IMPDH1: variants seen among roughly 807,000 people sequenced by gnomAD.
IMPDH1 encodes the protein inosine-5'-monophosphate dehydrogenase 1.
In IMPDH1, 41 loss-of-function variants were observed where a neutral mutation model predicts 73.5. The ratio of observed to expected loss-of-function variants is 0.56; its 90% CI spans 0.43 to 0.72. The LOEUF is 0.72. Ranked by LOEUF, IMPDH1 falls within the 30% of genes least tolerant of loss-of-function variation. The pLI, the probability that IMPDH1 is intolerant of heterozygous loss-of-function variation, is 0.00. For missense variants in IMPDH1, 645 were observed against 824.8 expected (o/e 0.78, Z 2.67); for synonymous variants, 318 against 334.3 (o/e 0.95, Z 0.53).
intron 1 of IMPDH1, 41 bp downstream of exon 1, chr7:128,409,715 C>A: frequency 6.6e-7 from 1 of 1,524,706 alleles, no homozygotes; most frequent in African/African-American, 1.4e-5. Context: ...CCTCGGCCGC[C>A]CGCCCCGGAT....
At position 128,394,809 on chromosome 7, in the gene IMPDH1, A is replaced by G. The variant is rs1797795359; in HGVS notation, c.1550+80T>C. The G allele has an allele frequency of 1.3e-6, 2 of 1,560,482 alleles. No homozygotes were observed. Among genetic ancestry groups the G allele is most frequent in the Non-Finnish European group, 1.8e-6 (2 of 1,138,402 alleles). On this transcript the variant is annotated intron_variant, in intron 14 of 16. Coordinates refer to ENST00000338791, the MANE Select transcript of IMPDH1 (RefSeq NM_000883.4). The surrounding 1 kb of genome is among the most constrained non-coding windows in gnomAD (Gnocchi z 5.5). ...AACCACCATATGGGGACTGGCTGCCATCTGGGGAAGTCGGTGGCATGAGCG... is the reference window on the plus strand; with the variant it reads ...AACCACCATATGGGGACTGGCTGCCGTCTGGGGAAGTCGGTGGCATGAGCG...
Position 128,405,986 on chromosome 7 carries a change from G to A in IMPDH1, c.255-121C>T, listed in dbSNP as rs1387415144. 1.1e-5 allele frequency: 9 copies of A among 811,452 alleles called. No homozygotes were observed. In the East Asian group the frequency reaches 8.6e-4, roughly 78 times the overall value. 50.3% of individuals were successfully genotyped at this position (811,452 alleles called of 1,614,324 possible). ...CCACGCTGCTGCCGCGGGCCGGGCG[G>A]GCCGGGGGCGGGGGCGGGGGCTGCG... On this transcript the variant is annotated intron_variant, in intron 3 of 16. Coordinates refer to ENST00000338791, the MANE Select transcript of IMPDH1 (RefSeq NM_000883.4).
chr7:128,394,992 C>T lies in IMPDH1; in HGVS notation c.1447G>A (p.Gly483Ser). 1 of 1,614,070 alleles carries T rather than the reference C, an allele frequency of 6.2e-7. No individual in the cohort carries two copies. Among genetic ancestry groups the T allele is most frequent in the South Asian group, 1.1e-5 (1 of 91,084 alleles). ...ACCCCGTCTGAGAAGAAGTACTCGC[C>T]AGGGGCCTCCGTAGTGGCGGCCAGC... Reference protein sequence around the residue: ...SLLAATTEAPGEYFFSDGVRL... With the variant: ...SLLAATTEAPSEYFFSDGVRL... The change falls in exon 14 of 17, where the codon GGC becomes AGC. Residue 483 changes from glycine to serine, a missense_variant. By Grantham distance (56) the Gly-to-Ser change is moderately conservative. Transcript: ENST00000338791. The surrounding 1 kb of genome is among the most constrained non-coding windows in gnomAD (Gnocchi z 5.5).
In IMPDH1 at chr7:128,398,501, C is replaced by T. The variant is rs2288550; in HGVS notation, c.987G>A (p.Leu329=). 6.2e-7 allele frequency: 1 copy of T among 1,613,632 alleles called. No homozygotes were observed. Among genetic ancestry groups the T allele is most frequent in the Admixed American group, 1.7e-5 (1 of 60,012 alleles). ...GGGTGCCCACAGCTGCCCCACAGAGCAGCTGCTTCTGGGAATCCTTGGAGG... is the reference window on the plus strand; with the variant it reads ...GGGTGCCCACAGCTGCCCCACAGAGTAGCTGCTTCTGGGAATCCTTGGAGG... ...PLASKDSQKQ[L]LCGAAVGTRE... is the part of the protein sequence containing the mutation. Residue 329 remains leucine, a synonymous_variant, in exon 10 of 17, where the codon CTG becomes CTA. Coordinates refer to ENST00000338791, the MANE Select transcript of IMPDH1 (RefSeq NM_000883.4). This position sits in a 1 kb window ranked among gnomAD's most constrained non-coding sequence, Gnocchi z 4.3.
At position 128,395,118 on chromosome 7, in the gene IMPDH1, A is replaced by G; in HGVS notation, c.1405+13T>C. ...CCCTCGCCTGCCCAATCCCCAGCAC[A>G]TTCTCCCCTCACCTGTGGAGGCTCC... On this transcript the variant is annotated intron_variant, in intron 13 of 16. Coordinates refer to ENST00000338791, the MANE Select transcript of IMPDH1 (RefSeq NM_000883.4). The G allele has an allele frequency of 6.2e-7, 1 of 1,613,830 alleles. No individual in the cohort carries two copies. The highest frequency in any genetic ancestry group is 8.5e-7 in the Non-Finnish European group (1 of 1,179,980).
Position 128,399,644 on chromosome 7 carries a change from G to A in IMPDH1, c.874+451C>T, listed in dbSNP as rs183762331. Reference sequence around the variant, plus strand: ...GAGGGTTGCAGTGAGCTGACATTGCGCCACTGTACTCCAGCCTGGGTGAGA... The same window carrying A: ...GAGGGTTGCAGTGAGCTGACATTGCACCACTGTACTCCAGCCTGGGTGAGA... On this transcript the variant is annotated intron_variant, in intron 9 of 16. Coordinates refer to ENST00000338791, the MANE Select transcript of IMPDH1 (RefSeq NM_000883.4). Among the ~76,000 whole-genome samples, 24 of 151,158 alleles carry A rather than the reference G, an allele frequency of 1.6e-4. No individual in the cohort carries two copies. In the East Asian group the frequency reaches 4.5e-3, roughly 28 times the overall value.
intron 4 of IMPDH1, 136 bp from the exon 5 acceptor site, chr7:128,403,890 GC>G: frequency 1.3e-6 from 1 of 769,200 alleles, no homozygotes. Flanking sequence ...CATCCCTACT[GC>G]CCCATCAGGG....
Position 128,396,517 on chromosome 7 carries a change from CAG to C in IMPDH1, c.1261+81_1261+82del. On this transcript the variant is annotated intron_variant, in intron 12 of 16. Transcript: ENST00000338791. This position sits in a 1 kb window ranked among gnomAD's most constrained non-coding sequence, Gnocchi z 4.0. Reference sequence around the variant, plus strand: ...CCTACCATGGCAGAACAGGGCCTGGCAGAGAGAGTACTTGATATACATCTGGG... The same window carrying C: ...CCTACCATGGCAGAACAGGGCCTGGCAGAGAGTACTTGATATACATCTGGG... The C allele has an allele frequency of 9.2e-7, 1 of 1,092,834 alleles. No homozygotes were observed. Among genetic ancestry groups the C allele is most frequent in the Non-Finnish European group, 1.4e-6 (1 of 730,526 alleles). The allele number at this position is 1,092,834 out of a possible 1,614,324, so 67.7% of individuals were successfully genotyped here. A position where few individuals can be genotyped will look rare whatever the true frequency, so the allele number is the denominator to read the frequency against.
At position 128,394,380 on chromosome 7, in the gene IMPDH1, G is replaced by A. The variant is rs747748998; in HGVS notation, c.1695-19C>T. ...CATGGACCTAGGAGGAAGGTAGGTG[G>A]AGCAGATCAGGGCCACCAAGGGTGG... On this transcript the variant is annotated intron_variant, in intron 15 of 16. Transcript: ENST00000338791. The surrounding 1 kb of genome is among the most constrained non-coding windows in gnomAD (Gnocchi z 5.5). 12 of 1,613,608 alleles carry A rather than the reference G, an allele frequency of 7.4e-6. No individual in the cohort carries two copies. In the Admixed American group the frequency reaches 1.8e-4, roughly 25 times the overall value.
Position 128,394,591 on chromosome 7 carries a change from T to G in IMPDH1, c.1559A>C (p.Asp520Ala), listed in dbSNP as rs899480714. ...SSQKRYFSEG[D>A]KVKIAQGVSG... ...GACACCCTGCGCGATCTTCACTTTA[T>G]CCCCCTCGCTGCGTGGAGGGTGGAA... Residue 520 changes from aspartate to alanine, a missense_variant, in exon 15 of 17, where the codon GAT becomes GCT. By Grantham distance (126) the Asp-to-Ala change is moderately radical. Transcript: ENST00000338791. The surrounding 1 kb of genome is among the most constrained non-coding windows in gnomAD (Gnocchi z 5.5). 1.9e-6 allele frequency: 3 copies of G among 1,613,422 alleles called. No individual in the cohort carries two copies. In the African/African-American group the frequency reaches 4.0e-5, roughly 22 times the overall value.
At chr7:128,403,784 G>C (rs772658713) in intron 4 of IMPDH1, 30 bp from the exon 5 acceptor site, 2 of 1,604,984 alleles carry the variant, frequency 1.2e-6, no homozygotes, top group South Asian at 2.2e-5. Context: ...AGTGTTATTA[G>C]TGGGGAGGGG....
rs569459893 is a variant in IMPDH1, at chr7:128,394,684, G to A, written c.1551-85C>T. On this transcript the variant is annotated intron_variant, in intron 14 of 16. Transcript: ENST00000338791. The surrounding 1 kb of genome is among the most constrained non-coding windows in gnomAD (Gnocchi z 5.5). The stretch of plus-strand genomic sequence containing the variant: ...CTCTTAAGGGCAAAAACGGGATACC[G>A]CCCAGGAAGGTCCCCCAGGCCACCC... 144 of 1,539,746 alleles carry A rather than the reference G, an allele frequency of 9.4e-5. 2 individuals carry two copies. The highest frequency in any genetic ancestry group is 4.7e-4 in the South Asian group (42 of 89,004).
chr7:128,396,559 C>T lies in IMPDH1; in HGVS notation c.1261+41G>A. 7.1e-7 allele frequency: 1 copy of T among 1,405,154 alleles called. No individual in the cohort carries two copies. The highest frequency in any genetic ancestry group is 9.9e-7 in the Non-Finnish European group (1 of 1,015,116). The allele number at this position is 1,405,154 out of a possible 1,614,324, so 87.0% of individuals were successfully genotyped here. On this transcript the variant is annotated intron_variant, in intron 12 of 16. Coordinates refer to ENST00000338791, the MANE Select transcript of IMPDH1 (RefSeq NM_000883.4). The surrounding 1 kb of genome is among the most constrained non-coding windows in gnomAD (Gnocchi z 4.0). ...ATACATCTGGGGAACAAAGGCGAGG[C>T]CCCGGGGCCAGCGGGCACTCGCTCA...
chr7:128,404,228 G>C (rs376180931), intron 4 of IMPDH1, among the ~76,000 whole-genome samples: 2 of 152,202 alleles, frequency 1.3e-5, no homozygotes, highest in South Asian at 2.1e-4. Context: ...CCCGGTGCCT[G>C]GGCTGCTGAG....
chr7:128,409,484 G>A lies in IMPDH1; in HGVS notation c.147C>T (p.Ser49=). 1 of 1,614,172 alleles carries A rather than the reference G, an allele frequency of 6.2e-7. No homozygotes were observed. Among genetic ancestry groups the A allele is most frequent in the Non-Finnish European group, 8.5e-7 (1 of 1,180,014 alleles). Residue 49 remains serine, a splice_region_variant and synonymous_variant, in exon 2 of 17, where the codon AGC becomes AGT. Coordinates refer to ENST00000338791, the MANE Select transcript of IMPDH1 (RefSeq NM_000883.4). ...GGTGTGTAGCGAGGTCCAATCTAGGGCTAAGATTTTAGGGAAGGTTTTTAC... is the reference window on the plus strand; with the variant it reads ...GGTGTGTAGCGAGGTCCAATCTAGGACTAAGATTTTAGGGAAGGTTTTTAC... The part of the protein sequence containing the change: ...RLLQAGYEPE[S]PRLDLATHPT...
Position 128,409,976 on chromosome 7 carries a change from G to C in IMPDH1, c.-75C>G. The C allele has an allele frequency of 8.0e-7, 1 of 1,254,094 alleles. No individual in the cohort carries two copies. Among genetic ancestry groups the C allele is most frequent in the Non-Finnish European group, 1.0e-6 (1 of 990,220 alleles). 77.7% of individuals were successfully genotyped at this position (1,254,094 alleles called of 1,614,324 possible). A position where few individuals can be genotyped will look rare whatever the true frequency, so the allele number is the denominator to read the frequency against. On this transcript the variant is annotated 5_prime_UTR_variant, in exon 1 of 17. Transcript: ENST00000338791. Reference sequence around the variant, plus strand: ...CCGGCTGGGCAGTGAGCGCAGCCCGGTCGAGTCCCGAGGAGGGGCGGGGCC... The same window carrying C: ...CCGGCTGGGCAGTGAGCGCAGCCCGCTCGAGTCCCGAGGAGGGGCGGGGCC...
In IMPDH1 at chr7:128,407,308, G is replaced by A. The variant is rs1435200409; in HGVS notation, c.255-1443C>T. Among the ~76,000 whole-genome samples the A allele has an allele frequency of 3.9e-5, 6 of 152,298 alleles. No homozygotes were observed. The East Asian group carries it at 9.6e-4, about 24-fold the overall frequency. On this transcript the variant is annotated intron_variant, in intron 3 of 16. Coordinates refer to ENST00000338791, the MANE Select transcript of IMPDH1 (RefSeq NM_000883.4). The stretch of plus-strand genomic sequence containing the variant: ...GCCACGAGGTTCCCTGGGATGCCCA[G>A]CCTCCCCCATTGATGCCCCCGGGAC...
chr7:128,403,773 G>A lies in IMPDH1; in HGVS notation c.354-19C>T. 3 of 1,612,638 alleles carry A rather than the reference G, an allele frequency of 1.9e-6. 1 individual carries two copies. The South Asian group carries it at 3.3e-5, about 18-fold the overall frequency. On this transcript the variant is annotated intron_variant, in intron 4 of 16. Coordinates refer to ENST00000338791, the MANE Select transcript of IMPDH1 (RefSeq NM_000883.4). ...GAAGTCGCTGTGAAGACAGAGAAGTGAGTGTTATTAGTGGGGAGGGGTGCC... is the reference window on the plus strand; with the variant it reads ...GAAGTCGCTGTGAAGACAGAGAAGTAAGTGTTATTAGTGGGGAGGGGTGCC...
intron 3 of IMPDH1, among the ~76,000 whole-genome samples, chr7:128,408,075 T>A (rs1483904576): frequency 1.3e-5 from 2 of 152,136 alleles, no homozygotes; most frequent in African/African-American, 4.8e-5. Flanking sequence ...CCCCAGCTGC[T>A]TCCTCCATGG....
Sources: gnomAD v4.1 joint callset for allele counts (sites outside exome capture counted in the v4.1 genomes callset) on GRCh38, gnomAD v4.1.1 for gene constraint, Gnocchi (gnomAD v3.1) non-coding constraint, MANE v1.5 for transcripts, NCBI Gene and HGNC (gene_info 2026-07-23, HGNC 2026-07-21) for gene names.